KIAA1958: variants seen among roughly 807,000 people sequenced by gnomAD.
The protein encoded by KIAA1958 is uncharacterized protein KIAA1958.
A neutral mutation model predicts 47.2 loss-of-function variants in KIAA1958; 14 were observed. The ratio of observed to expected loss-of-function variants is 0.30; its 90% CI spans 0.20 to 0.46. The LOEUF is 0.46. Among genes scored for constraint, KIAA1958 ranks in the 20% least tolerant of loss-of-function variants. KIAA1958 has a pLI of 1.00. For missense variants in KIAA1958, 803 were observed against 909.2 expected, an observed-to-expected ratio of 0.88 and a Z score of 1.50; for synonymous variants, 354 against 353.3, an observed-to-expected ratio of 1.00 and a Z score of -0.02.
rs1331397105 is a variant in KIAA1958, at chr9:112,618,456, G to T, written c.1172-27194G>T. ...GGTCTCGAGTACTTGGAGTGGATGG[G>T]TCAGGACACTGGAGACTTGAATGCC... is the stretch of plus-strand genomic sequence containing the variant. On this transcript the variant is annotated intron_variant, in intron 2 of 3. Transcript: ENST00000337530. This position sits in a 1 kb window ranked among gnomAD's most constrained non-coding sequence, Gnocchi z 7.1. 1 of 1,551,124 alleles carries T rather than the reference G, an allele frequency of 6.4e-7. No homozygotes were observed. The highest frequency in any genetic ancestry group is 2.0e-5 in the Admixed American group (1 of 51,014).
intron 2 of KIAA1958, among the ~76,000 whole-genome samples, chr9:112,604,478 A>C (rs1836189813): frequency 6.6e-6 from 1 of 152,218 alleles, no homozygotes. Context: ...GTACTTGTGA[A>C]TGGTACAGGC....
chr9:112,609,881 G>A (rs1441036111), intron 2 of KIAA1958, among the ~76,000 whole-genome samples: 1 of 152,054 alleles, frequency 6.6e-6, no homozygotes, highest in Non-Finnish European at 1.5e-5. Flanking sequence ...TGACCAAATT[G>A]AGCCAAGGAG....
At chr9:112,521,570 A>T (rs576472197) in intron 1 of KIAA1958, among the ~76,000 whole-genome samples, 1 of 152,134 alleles carries the variant, frequency 6.6e-6, no homozygotes, top group Non-Finnish European at 1.5e-5. Context: ...CTCTTAGATT[A>T]TCATGTTAAT....
At chr9:112,652,942 A>G (rs1284140135) in intron 3 of KIAA1958, among the ~76,000 whole-genome samples, 1 of 152,300 alleles carries the variant, frequency 6.6e-6, no homozygotes, top group South Asian at 2.1e-4. Context: ...CATAGTGCCA[A>G]TCATGTATTT....
At chr9:112,608,561 G>T (rs975520092) in intron 2 of KIAA1958, among the ~76,000 whole-genome samples, 1 of 152,150 alleles carries the variant, frequency 6.6e-6, no homozygotes, top group Non-Finnish European at 1.5e-5. Flanking sequence ...GTCCAAGGTG[G>T]GTGGATCACT....
chr9:112,509,730 G>A (rs973864652), intron 1 of KIAA1958, among the ~76,000 whole-genome samples: 1 of 152,204 alleles, frequency 6.6e-6, no homozygotes, highest in Non-Finnish European at 1.5e-5. Context: ...GGAAGAAAGA[G>A]AGGTTGAAAC....
Position 112,500,243 on chromosome 9 carries a change from G to C in KIAA1958, c.-25+13125G>C, listed in dbSNP as rs1235694069. ...AGCCTCCCGAGTAGCTGGGATTACAGGTGTGTGCCACCATGCCCAGCTAAT... is the reference window on the plus strand; with the variant it reads ...AGCCTCCCGAGTAGCTGGGATTACACGTGTGTGCCACCATGCCCAGCTAAT... On this transcript the variant is annotated intron_variant, in intron 1 of 3. Coordinates refer to ENST00000337530, the MANE Select transcript of KIAA1958 (RefSeq NM_133465.4). Among the ~76,000 whole-genome samples, 11 of 152,096 alleles carry C rather than the reference G, an allele frequency of 7.2e-5. No homozygotes were observed. In the South Asian group the frequency reaches 8.3e-4, roughly 11 times the overall value.
intron 1 of KIAA1958, among the ~76,000 whole-genome samples, chr9:112,509,193 G>C (rs1485148146): frequency 6.7e-6 from 1 of 148,418 alleles, no homozygotes; most frequent in African/African-American, 2.5e-5. Flanking sequence ...GGCAAGCCAG[G>C]CCCATTCTTT....
intron 2 of KIAA1958, among the ~76,000 whole-genome samples, chr9:112,621,621 T>G (rs1836510472): frequency 6.6e-6 from 1 of 152,238 alleles, no homozygotes; most frequent in African/African-American, 2.4e-5. Context: ...TGAATTATTT[T>G]TATTTATTTA....
At chr9:112,520,011 T>G (rs138485043) in intron 1 of KIAA1958, among the ~76,000 whole-genome samples, 2 of 152,332 alleles carry the variant, frequency 1.3e-5, no homozygotes, top group African/African-American at 4.8e-5. Flanking sequence ...TGGTGATATG[T>G]CATCTTAATT....
intron 2 of KIAA1958, among the ~76,000 whole-genome samples, chr9:112,593,808 C>G (rs1006237361): frequency 3.9e-5 from 6 of 151,958 alleles, no homozygotes; most frequent in Non-Finnish European, 8.8e-5. Flanking sequence ...ATACCCTCCT[C>G]AAGCACCAAC....
At chr9:112,505,378 A>G (rs917800354) in intron 1 of KIAA1958, among the ~76,000 whole-genome samples, 4 of 152,214 alleles carry the variant, frequency 2.6e-5, no homozygotes, top group African/African-American at 7.2e-5. Context: ...AATACTAAGT[A>G]TATAGCCCAT....
intron 1 of KIAA1958, among the ~76,000 whole-genome samples, chr9:112,530,548 T>C (rs1834735725): frequency 1.3e-5 from 2 of 152,238 alleles, no homozygotes; most frequent in South Asian, 4.1e-4. Context: ...TTTTATTTTT[T>C]GTAGTGATTT....
chr9:112,514,570 GGAGA>G (rs1834380843), intron 1 of KIAA1958, among the ~76,000 whole-genome samples: 1 of 10,364 alleles, frequency 9.6e-5, no homozygotes, highest in Admixed American at 1.1e-3. Flanking sequence ...CGTCCGGGAG[GGAGA>G]TGGGGGGGGG....
At position 112,659,908 on chromosome 9, in the gene KIAA1958, G is replaced by A; in HGVS notation, c.1990G>A (p.Gly664Ser). 6.2e-7 allele frequency: 1 copy of A among 1,614,206 alleles called. No homozygotes were observed. The highest frequency in any genetic ancestry group is 8.5e-7 in the Non-Finnish European group (1 of 1,180,030). The part of the protein sequence containing the change: ...LTARKEATDM[G>S]SVWYEEQRMG... ...TGCCAGGAAGGAGGCCACAGACATGGGCAGCGTGTGGTATGAGGAGCAGAG... is the reference window on the plus strand; with the variant it reads ...TGCCAGGAAGGAGGCCACAGACATGAGCAGCGTGTGGTATGAGGAGCAGAG... Residue 664 changes from glycine to serine, a missense_variant, in exon 4 of 4, where the codon GGC becomes AGC. Coordinates refer to ENST00000337530, the MANE Select transcript of KIAA1958 (RefSeq NM_133465.4).
rs1416482709 is a variant in KIAA1958, at chr9:112,663,539, C to T, written c.*3470C>T. On this transcript the variant is annotated 3_prime_UTR_variant, in exon 4 of 4. Coordinates refer to ENST00000337530, the MANE Select transcript of KIAA1958 (RefSeq NM_133465.4). ...ACATGATAATCTGGTCAAGTTAACA[C>T]ATTTTCGCCCATGAATTCTACCTCC... The T allele has an allele frequency of 6.6e-6, 1 of 152,182 alleles. No homozygotes were observed. Among genetic ancestry groups the T allele is most frequent in the Non-Finnish European group, 1.5e-5 (1 of 68,038 alleles). 9.4% of individuals were successfully genotyped at this position (152,182 alleles called of 1,614,324 possible). A position where few individuals can be genotyped will look rare whatever the true frequency, so the allele number is the denominator to read the frequency against.
intron 1 of KIAA1958, among the ~76,000 whole-genome samples, chr9:112,544,995 C>T (rs778389724): frequency 2.0e-5 from 3 of 151,982 alleles, no homozygotes; most frequent in East Asian, 1.9e-4. Context: ...AGTGCCCCAG[C>T]GATCAAAAAC....
chr9:112,496,457 T>C (rs1449109352), intron 1 of KIAA1958, among the ~76,000 whole-genome samples: 3 of 152,220 alleles, frequency 2.0e-5, no homozygotes, highest in African/African-American at 7.2e-5. Context: ...TCTGGGCTGC[T>C]GGAAAGTTTC....
At position 112,585,283 on chromosome 9, in the gene KIAA1958, G is replaced by A. The variant is rs544303099; in HGVS notation, c.1171+10032G>A. Among the ~76,000 whole-genome samples, 10 of 152,340 alleles carry A rather than the reference G, an allele frequency of 6.6e-5. No homozygotes were observed. In the East Asian group the frequency reaches 1.9e-3, roughly 29 times the overall value. On this transcript the variant is annotated intron_variant, in intron 2 of 3. Coordinates refer to ENST00000337530, the MANE Select transcript of KIAA1958 (RefSeq NM_133465.4). ...GACAAACCAACAACTTCAACTTCAA[G>A]TGTATAAGGAGGTGTATAAAATATA...
Sources: allele counts gnomAD v4.1 joint callset (sites outside exome capture counted in the v4.1 genomes callset), GRCh38; gene constraint gnomAD v4.1.1; non-coding constraint Gnocchi (gnomAD v3.1); transcripts MANE v1.5; gene names NCBI Gene and HGNC (gene_info 2026-07-23, HGNC 2026-07-21).